Variants in VDAC1 observed in about 807,000 individuals in gnomAD.
VDAC1 encodes non-selective voltage-gated ion channel VDAC1.
In VDAC1, 10 loss-of-function variants were observed where a neutral mutation model predicts 34.7. The observed-to-expected ratio is 0.29, with a 90% CI of 0.18 to 0.49. The LOEUF is 0.49. Ranked by LOEUF, VDAC1 falls within the 20% of genes least tolerant of loss-of-function variation. The pLI is 0.99. For missense variants in VDAC1, 230 were observed against 347.9 expected (o/e 0.66, Z 2.69); for synonymous variants, 130 against 136.0 (o/e 0.96, Z 0.30).
At chr5:133,995,762 A>G (rs1205730740) in intron 1 of VDAC1, among the ~76,000 whole-genome samples, 1 of 152,216 alleles carries the variant, frequency 6.6e-6, no homozygotes, top group East Asian at 1.9e-4. Context: ...CCATTTTTAC[A>G]CAGCTCTCGA....
At chr5:134,016,568 A>G in the VDAC1 span, among the ~76,000 whole-genome samples, 1 of 152,192 alleles carries the variant, frequency 6.6e-6, no homozygotes, top group Non-Finnish European at 1.5e-5. Context: ...CTTGACTTGC[A>G]TTTATGCCTA....
the VDAC1 span, among the ~76,000 whole-genome samples, chr5:134,114,435 G>T: frequency 6.6e-6 from 1 of 152,160 alleles, no homozygotes; most frequent in African/African-American, 2.4e-5. Context: ...AGAAAGCAGG[G>T]GGAATATCTG....
At chr5:134,007,769 G>A (rs1193035075), upstream of VDAC1, among the ~76,000 whole-genome samples, 1 of 152,226 alleles carries the variant, frequency 6.6e-6, no homozygotes, top group Non-Finnish European at 1.5e-5. Flanking sequence ...ACAGAACAGA[G>A]AATGGAGCAG....
chr5:134,075,306 C>G, the VDAC1 span, among the ~76,000 whole-genome samples: 1 of 152,156 alleles, frequency 6.6e-6, no homozygotes, highest in African/African-American at 2.4e-5. Context: ...GCCATTCACA[C>G]TATTCACACT....
the VDAC1 span, among the ~76,000 whole-genome samples, chr5:134,089,677 T>TGGTGGCTCATGGCCGGGTGC: frequency 3.3e-5 from 5 of 150,464 alleles, no homozygotes; most frequent in Admixed American, 2.0e-4. Context: ...TGGCCGGGTG[T>TGGTGGCTCATGGCCGGGTGC]GGTGGCTCAT....
At chr5:134,062,339 C>T in the VDAC1 span, among the ~76,000 whole-genome samples, 1 of 151,668 alleles carries the variant, frequency 6.6e-6, no homozygotes, top group Admixed American at 6.6e-5. Flanking sequence ...GCTTTTTCTA[C>T]TTGCATCTGT....
chr5:133,983,448 T>A (rs998667473), intron 5 of VDAC1, among the ~76,000 whole-genome samples: 9 of 152,080 alleles, frequency 5.9e-5, no homozygotes, highest in Non-Finnish European at 1.3e-4. Context: ...AAATAAAACA[T>A]GATTGGCCAC....
At chr5:134,055,588 G>GTTTTTTTTTTTTTTTTTT in the VDAC1 span, among the ~76,000 whole-genome samples, 75 of 59,614 alleles carry the variant, frequency 1.3e-3, 4 homozygotes, top group East Asian at 5.0e-3. Context: ...CCCCGCTAAT[G>GTTTTTTTTTTTTTTTTTT]TTTTTTTTTT....
At chr5:134,077,370 A>G in the VDAC1 span, among the ~76,000 whole-genome samples, 1 of 152,118 alleles carries the variant, frequency 6.6e-6, no homozygotes, top group African/African-American at 2.4e-5. Flanking sequence ...TGGCACAGGA[A>G]AAAAAACTTC....
At chr5:134,050,198 G>A in the VDAC1 span, among the ~76,000 whole-genome samples, 1 of 152,038 alleles carries the variant, frequency 6.6e-6, no homozygotes, top group African/African-American at 2.4e-5. Context: ...GCAGTGAGCC[G>A]AGATCACGCC....
intron 6 of VDAC1, 53 bp downstream of exon 6, chr5:133,980,676 C>G (rs1294567704): frequency 1.1e-6 from 1 of 895,206 alleles, no homozygotes; most frequent in East Asian, 3.1e-5. Context: ...ATCCCCTTAC[C>G]ACACATGCTC....
chr5:134,087,938 T>G, the VDAC1 span, among the ~76,000 whole-genome samples: 3 of 149,990 alleles, frequency 2.0e-5, no homozygotes, highest in East Asian at 5.9e-4. Flanking sequence ...TCACCTGAGG[T>G]CAGGAGTTTT....
the VDAC1 span, among the ~76,000 whole-genome samples, chr5:134,049,997 C>T: frequency 0.15 from 23,517 of 152,088 alleles, 1,971 homozygotes; most frequent in East Asian, 0.28. Context: ...ACGCCTGTAA[C>T]CCCAGCACTT....
chr5:134,049,285 G>GGTCT, the VDAC1 span, among the ~76,000 whole-genome samples: 1 of 152,130 alleles, frequency 6.6e-6, no homozygotes, highest in African/African-American at 2.4e-5. Context: ...ATAGAGATAA[G>GGTCT]GTCTGTCTAT....
the VDAC1 span, among the ~76,000 whole-genome samples, chr5:134,036,189 C>T: frequency 6.6e-6 from 1 of 152,076 alleles, no homozygotes; most frequent in Non-Finnish European, 1.5e-5. Flanking sequence ...ATAGTAGCTT[C>T]ACAGTGGAGA....
chr5:134,041,338 T>C, the VDAC1 span, among the ~76,000 whole-genome samples: 1 of 152,184 alleles, frequency 6.6e-6, no homozygotes, highest in Non-Finnish European at 1.5e-5. Context: ...ACACCCACTC[T>C]GGGAGGGGCC....
chr5:134,038,557 T>C, the VDAC1 span, among the ~76,000 whole-genome samples: 3 of 152,192 alleles, frequency 2.0e-5, no homozygotes, highest in East Asian at 5.8e-4. Flanking sequence ...CAGTGTAATA[T>C]GTATGGGACA....
chr5:134,074,442 C>T, the VDAC1 span, among the ~76,000 whole-genome samples: 1 of 152,144 alleles, frequency 6.6e-6, no homozygotes, highest in Non-Finnish European at 1.5e-5. Context: ...GACCTCATGT[C>T]AGACACAGAG....
the VDAC1 span, among the ~76,000 whole-genome samples, chr5:134,053,727 G>A: frequency 1.3e-5 from 2 of 152,354 alleles, no homozygotes; most frequent in Middle Eastern, 6.8e-3. Context: ...TACCCAGTCA[G>A]GGCAGCCCAC....
Sources: allele counts gnomAD v4.1 joint callset (sites outside exome capture counted in the v4.1 genomes callset), GRCh38; gene constraint gnomAD v4.1.1; transcripts MANE v1.5; gene names NCBI Gene and HGNC (gene_info 2026-07-23, HGNC 2026-07-21).